The following DNAJB6 variants were observed in gnomAD, a reference collection of about 807,000 sequenced individuals.
DNAJB6 encodes dnaJ homolog subfamily B member 6.
DNAJB6 carries 16 observed loss-of-function variants against 42.7 expected under a neutral mutation model. That is an observed-to-expected ratio of 0.37 (90% confidence interval 0.25 to 0.57). The LOEUF (loss-of-function observed/expected upper bound fraction) is 0.57. Among genes scored for constraint, DNAJB6 ranks in the 20% least tolerant of loss-of-function variants. The probability of loss-of-function intolerance (pLI) is 0.74; values close to 1 mark genes in which losing one functional copy is unlikely to be tolerated. For missense variants in DNAJB6, 347 were observed against 416.8 expected, an observed-to-expected ratio of 0.83 and a Z score of 1.46; for synonymous variants, 170 against 163.5, an observed-to-expected ratio of 1.04 and a Z score of -0.30.
Position 157,397,833 on chromosome 7 carries a change from A to G in DNAJB6, c.692-11962A>G, listed in dbSNP as rs376223921. On this transcript the variant is annotated intron_variant, in intron 8 of 9. Transcript: ENST00000262177. ...TCACGAGCCCATCACGTGGCTGGCA[A>G]AAGCAAGTCACTGTCCTGTTTAAAA... Among the ~76,000 whole-genome samples the G allele has an allele frequency of 1.4e-3, 211 of 152,352 alleles. 1 individual carries two copies. The highest frequency in any genetic ancestry group is 9.5e-3 in the East Asian group (49 of 5,184).
intron 1 of DNAJB6, among the ~76,000 whole-genome samples, chr7:157,348,314 G>A (rs541570865): frequency 6.6e-6 from 1 of 152,148 alleles, no homozygotes; most frequent in South Asian, 2.1e-4. Flanking sequence ...GGCTGGTCTT[G>A]AACTCCTGAC....
intron 9 of DNAJB6, chr7:157,410,291 C>A: frequency 1.7e-6 from 1 of 593,384 alleles, no homozygotes; most frequent in Non-Finnish European, 2.6e-6. Flanking sequence ...CGAGGTGCTG[C>A]TTTTACCGTA....
rs540973310 is a variant in DNAJB6 at position 157,400,865 on chromosome 7, G to C, written c.692-8930G>C. ...GCACAAAGGTGTGGAAGGCAGGTGT[G>C]CTGGAGTCCCCACCCTGGCCAGCCC... is the stretch of plus-strand genomic sequence containing the variant. On this transcript the variant is annotated intron_variant, in intron 8 of 9. Coordinates refer to ENST00000262177, the MANE Select transcript of DNAJB6 (RefSeq NM_058246.4). 3.1e-4 allele frequency among the ~76,000 whole-genome samples: 47 copies of C among 152,358 alleles called. 1 individual carries two copies. Among genetic ancestry groups the C allele is most frequent in the African/African-American group, 1.1e-3 (45 of 41,592 alleles).
chr7:157,348,075 C>T (rs949661922), intron 1 of DNAJB6, among the ~76,000 whole-genome samples: 2 of 151,176 alleles, frequency 1.3e-5, no homozygotes, highest in Admixed American at 6.6e-5. Context: ...GGATTACAGG[C>T]GTGAGCCACC....
At chr7:157,363,545 C>G (rs1166912849) in intron 3 of DNAJB6, among the ~76,000 whole-genome samples, 1 of 152,098 alleles carries the variant, frequency 6.6e-6, no homozygotes, top group Non-Finnish European at 1.5e-5. Context: ...TTTGAGGAAC[C>G]TGGGAGAGAG....
At chr7:157,399,257 A>G (rs1159863215) in intron 8 of DNAJB6, among the ~76,000 whole-genome samples, 1 of 152,186 alleles carries the variant, frequency 6.6e-6, no homozygotes, top group African/African-American at 2.4e-5. Context: ...GCCCCCCGCC[A>G]TCCCCTGCCT....
intron 1 of DNAJB6, among the ~76,000 whole-genome samples, chr7:157,349,932 C>G (rs4454177): frequency 6.6e-6 from 1 of 152,096 alleles, no homozygotes; most frequent in Admixed American, 6.6e-5. Context: ...CATGAGCCAC[C>G]GCGCCTGGCC....
At chr7:157,359,114 G>T (rs553729506) in intron 2 of DNAJB6, among the ~76,000 whole-genome samples, 138 of 152,314 alleles carry the variant, frequency 9.1e-4, no homozygotes, top group African/African-American at 3.2e-3. Flanking sequence ...CCATTGTGAG[G>T]AGGGCAGTTC....
intron 9 of DNAJB6, among the ~76,000 whole-genome samples, chr7:157,415,718 C>T (rs931842643): frequency 2.0e-5 from 3 of 152,086 alleles, no homozygotes; most frequent in African/African-American, 4.8e-5. Context: ...CTAGCTCTGC[C>T]GCTGGGCAGA....
Position 157,409,880 on chromosome 7 carries a change from G to A in DNAJB6, c.777G>A (p.Pro259=), listed in dbSNP as rs568868210. Residue 259 remains proline (P), a synonymous_variant, in exon 9 of 10, where the codon CCG becomes CCA. Coordinates refer to ENST00000262177, the MANE Select transcript of DNAJB6 (RefSeq NM_058246.4). ...ALPAQPAGLR[P]PKPPRPASLL... Reference sequence around the variant, plus strand: ...CAGCCCAGCCTGCCGGCCTCCGCCCGCCGAAGCCGCCCCGGCCTGCCTCGC... The same window carrying A: ...CAGCCCAGCCTGCCGGCCTCCGCCCACCGAAGCCGCCCCGGCCTGCCTCGC... 1.2e-5 allele frequency: 19 copies of A among 1,533,688 alleles called. No homozygotes were observed. In the Admixed American group the frequency reaches 1.6e-4, roughly 13 times the overall value.
intron 1 of DNAJB6, chr7:157,339,718 C>G (rs559883877): frequency 5.3e-5 from 8 of 151,888 alleles, no homozygotes; most frequent in African/African-American, 2.0e-4. Flanking sequence ...CTTCGCCTCC[C>G]AGGTTCAAGC....
At position 157,416,163 on chromosome 7, in the gene DNAJB6, G is replaced by A. The variant is rs1381653449; in HGVS notation, c.*65G>A. On this transcript the variant is annotated 3_prime_UTR_variant, in exon 10 of 10. Transcript: ENST00000262177. Reference sequence around the variant, plus strand: ...GCTCCACCGTGCTCGGCATGCGGTCGTGCACACGCGCTAGGTAGCAGCGTC... The same window carrying A: ...GCTCCACCGTGCTCGGCATGCGGTCATGCACACGCGCTAGGTAGCAGCGTC... 3.6e-5 allele frequency: 57 copies of A among 1,574,004 alleles called. No individual in the cohort carries two copies. The highest frequency in any genetic ancestry group is 9.4e-5 in the East Asian group (4 of 42,554).
chr7:157,363,328 G>GT, intron 3 of DNAJB6, 58 bp downstream of exon 3: 2 of 1,188,572 alleles, frequency 1.7e-6, no homozygotes, highest in Non-Finnish European at 2.5e-6. Context: ...TGCGGAGTGG[G>GT]TGTTGGGATC....
chr7:157,350,948 T>A (rs1464883409), intron 1 of DNAJB6, among the ~76,000 whole-genome samples: 1 of 151,788 alleles, frequency 6.6e-6, no homozygotes, highest in Non-Finnish European at 1.5e-5. Flanking sequence ...TTTTTTTTTT[T>A]TTTGAGACAG....
At chr7:157,355,864 T>G (rs908954641) in intron 1 of DNAJB6, among the ~76,000 whole-genome samples, 3 of 152,152 alleles carry the variant, frequency 2.0e-5, no homozygotes, top group Non-Finnish European at 2.9e-5. Flanking sequence ...AGGCTTTCAG[T>G]GAGAGTGTTT....
intron 1 of DNAJB6, among the ~76,000 whole-genome samples, chr7:157,341,402 G>T (rs932118225): frequency 6.6e-6 from 1 of 152,178 alleles, no homozygotes; most frequent in African/African-American, 2.4e-5. Flanking sequence ...GGGATCACAG[G>T]TGTGAGCCAC....
intron 5 of DNAJB6, chr7:157,379,975 C>T (rs1347662892): frequency 6.6e-6 from 1 of 151,976 alleles, no homozygotes; most frequent in Non-Finnish European, 1.5e-5. Context: ...CCACTCCTGG[C>T]TAACTTTTTT....
chr7:157,351,721 T>TG, intron 1 of DNAJB6, among the ~76,000 whole-genome samples: 1 of 152,260 alleles, frequency 6.6e-6, no homozygotes, highest in African/African-American at 2.4e-5. Flanking sequence ...CCCAGCACTT[T>TG]GGTAGGCCAA....
intron 1 of DNAJB6, among the ~76,000 whole-genome samples, chr7:157,358,084 G>A (rs968240416): frequency 1.3e-5 from 2 of 152,164 alleles, no homozygotes; most frequent in South Asian, 2.1e-4. Context: ...GCTTTCTATT[G>A]TTCCCATGTG....
Sources: gnomAD v4.1 joint callset for allele counts (sites outside exome capture counted in the v4.1 genomes callset) on GRCh38, gnomAD v4.1.1 for gene constraint, MANE v1.5 for transcripts, NCBI Gene and HGNC (gene_info 2026-07-23, HGNC 2026-07-21) for gene names.